Variants in SAMTOR observed in about 807,000 individuals in gnomAD.
The protein encoded by SAMTOR is S-adenosylmethionine sensor upstream of mTORC1.
the SAMTOR span, among the ~76,000 whole-genome samples, chr7:112,865,191 T>G: frequency 6.6e-6 from 1 of 152,182 alleles, no homozygotes; most frequent in African/African-American, 2.4e-5. Flanking sequence ...GGCTTATGCC[T>G]TAAACCCAGC....
the SAMTOR span, chr7:112,939,409 G>A: frequency 1.2e-6 from 1 of 854,858 alleles, no homozygotes; most frequent in South Asian, 1.7e-5. Flanking sequence ...AAAAGGGGGC[G>A]GGGAGGAGCG....
the SAMTOR span, among the ~76,000 whole-genome samples, chr7:112,857,528 A>C: frequency 1.3e-5 from 2 of 152,240 alleles, no homozygotes; most frequent in African/African-American, 4.8e-5. Flanking sequence ...TCACAAAACA[A>C]ATACAAACAT....
the SAMTOR span, among the ~76,000 whole-genome samples, chr7:112,903,500 T>C: frequency 0.011 from 1,621 of 152,130 alleles, 30 homozygotes; most frequent in African/African-American, 0.037. Flanking sequence ...GGAAATTTGA[T>C]TATGGATTAC....
At chr7:112,855,545 C>T in the SAMTOR span, among the ~76,000 whole-genome samples, 2 of 152,100 alleles carry the variant, frequency 1.3e-5, no homozygotes, top group Non-Finnish European at 2.9e-5. Flanking sequence ...ACTGAGGTCC[C>T]TGTTTCCTTG....
At chr7:112,824,494 C>T in the SAMTOR span, among the ~76,000 whole-genome samples, 9 of 152,024 alleles carry the variant, frequency 5.9e-5, no homozygotes, top group African/African-American at 2.2e-4. Flanking sequence ...TCCTGAGTAG[C>T]TGGGACTACA....
the SAMTOR span, among the ~76,000 whole-genome samples, chr7:112,840,408 G>A: frequency 6.6e-6 from 1 of 151,682 alleles, no homozygotes; most frequent in South Asian, 2.1e-4. Context: ...CTTTCCATTT[G>A]GGATCACTTT....
the SAMTOR span, among the ~76,000 whole-genome samples, chr7:112,916,369 G>T: frequency 1.3e-5 from 2 of 152,166 alleles, no homozygotes; most frequent in Non-Finnish European, 2.9e-5. Flanking sequence ...ACTGTCCTTG[G>T]ACATAGGAGT....
the SAMTOR span, among the ~76,000 whole-genome samples, chr7:112,851,301 C>A: frequency 1.3e-5 from 2 of 152,058 alleles, no homozygotes; most frequent in African/African-American, 4.8e-5. Context: ...TCAAATTACA[C>A]CACAAGGCTA....
the SAMTOR span, among the ~76,000 whole-genome samples, chr7:112,933,483 ACTAC>A: frequency 3.3e-5 from 5 of 152,218 alleles, no homozygotes; most frequent in Non-Finnish European, 5.9e-5. Context: ...GTGCAGCGAG[ACTAC>A]CTATTATTGA....
At chr7:112,847,472 T>G in the SAMTOR span, among the ~76,000 whole-genome samples, 4 of 152,208 alleles carry the variant, frequency 2.6e-5, no homozygotes, top group African/African-American at 9.7e-5. Context: ...TTGTAATTTT[T>G]GATGTGGAAA....
chr7:112,874,587 A>G, the SAMTOR span, among the ~76,000 whole-genome samples: 2 of 152,186 alleles, frequency 1.3e-5, no homozygotes, highest in African/African-American at 4.8e-5. Flanking sequence ...CCCAAACCTC[A>G]GTATCACGCA....
the SAMTOR span, among the ~76,000 whole-genome samples, chr7:112,930,859 A>G: frequency 2.0e-4 from 31 of 152,210 alleles, no homozygotes; most frequent in Non-Finnish European, 3.8e-4. Flanking sequence ...AGGTTACACA[A>G]CAAACCTGGT....
chr7:112,892,660 TACTGGGGAG>T, the SAMTOR span, among the ~76,000 whole-genome samples: 1 of 151,874 alleles, frequency 6.6e-6, no homozygotes, highest in Admixed American at 6.6e-5. Flanking sequence ...TGGTGCCAGC[TACTGGGGAG>T]GCTGAGGTGG....
chr7:112,879,867 G>A, the SAMTOR span, among the ~76,000 whole-genome samples: 1 of 152,078 alleles, frequency 6.6e-6, no homozygotes, highest in African/African-American at 2.4e-5. Context: ...ACTAAACAGT[G>A]AAGACTCAAT....
At chr7:112,922,076 C>T in the SAMTOR span, among the ~76,000 whole-genome samples, 1 of 152,148 alleles carries the variant, frequency 6.6e-6, no homozygotes, top group Non-Finnish European at 1.5e-5. Context: ...CTGCATCAGC[C>T]TGCCGAGTGC....
chr7:112,890,048 A>G, the SAMTOR span, among the ~76,000 whole-genome samples: 1 of 152,200 alleles, frequency 6.6e-6, no homozygotes, highest in Non-Finnish European at 1.5e-5. Context: ...CTAGTCAGAA[A>G]TTTAACAAAG....
the SAMTOR span, among the ~76,000 whole-genome samples, chr7:112,888,293 C>T: frequency 6.6e-6 from 1 of 152,126 alleles, no homozygotes; most frequent in African/African-American, 2.4e-5. Context: ...AGAAGGCATA[C>T]TCTGTATAAT....
At chr7:112,884,135 A>C in the SAMTOR span, among the ~76,000 whole-genome samples, 37 of 152,314 alleles carry the variant, frequency 2.4e-4, no homozygotes, top group African/African-American at 8.7e-4. Flanking sequence ...TGAGAACAGC[A>C]GCATGGGGGT....
chr7:112,921,338 C>A, the SAMTOR span, among the ~76,000 whole-genome samples: 102 of 151,886 alleles, frequency 6.7e-4, no homozygotes, highest in South Asian at 1.2e-3. Context: ...CAAAAACAAG[C>A]AATGGGGAAA....
Sources: gnomAD v4.1 joint callset for allele counts (sites outside exome capture counted in the v4.1 genomes callset) on GRCh38, gnomAD v4.1.1 for gene constraint, MANE v1.5 for transcripts, NCBI Gene and HGNC (gene_info 2026-07-23, HGNC 2026-07-21) for gene names.